The following AGMO variants were observed in gnomAD, a reference collection of about 807,000 sequenced individuals.
AGMO encodes alkylglycerol monooxygenase.
In AGMO, 75 loss-of-function variants were observed where a neutral mutation model predicts 60.2. The ratio of observed to expected loss-of-function variants is 1.25; its 90% CI spans 1.03 to 1.51. AGMO has a LOEUF of 1.51. AGMO is among the 40% of genes most tolerant of loss of function. The pLI is 0.00. For missense variants in AGMO, 763 were observed against 525.5 expected, an observed-to-expected ratio of 1.45 and a Z score of -4.42; for synonymous variants, 261 against 177.1, an observed-to-expected ratio of 1.47 and a Z score of -3.76.
chr7:15,320,129 GA>G (rs1009318909), intron 12 of AGMO, among the ~76,000 whole-genome samples: 55 of 151,676 alleles, frequency 3.6e-4, no homozygotes, highest in African/African-American at 1.3e-3. Context: ...GGGGGAGGGG[GA>G]AGGGATAGCA....
At chr7:15,322,842 TAAA>T (rs531068133) in intron 12 of AGMO, among the ~76,000 whole-genome samples, 1 of 139,508 alleles carries the variant, frequency 7.2e-6, no homozygotes, top group African/African-American at 2.7e-5. Flanking sequence ...CACAAAATTA[TAAA>T]AAAAAATGTG....
At chr7:15,185,148 C>T in the AGMO span, among the ~76,000 whole-genome samples, 31 of 152,086 alleles carry the variant, frequency 2.0e-4, 1 homozygote, top group South Asian at 1.9e-3. Flanking sequence ...CATTCTAATA[C>T]GGCCTACTTA....
rs1002924552 is a variant in AGMO, at chr7:15,475,464, T to C, written c.410-44356A>G. On this transcript the variant is annotated intron_variant, in intron 3 of 12. Coordinates refer to ENST00000342526, the MANE Select transcript of AGMO (RefSeq NM_001004320.2). ...GAACAGAAAACCAAACACCGCATGT[T>C]CTCACTCACAAGTGGGAGATGAATA... Among the ~76,000 whole-genome samples the C allele has an allele frequency of 7.9e-5, 12 of 152,078 alleles. 1 individual carries two copies. Among genetic ancestry groups the C allele is most frequent in the Admixed American group, 7.2e-4 (11 of 15,248 alleles).
intron 12 of AGMO, among the ~76,000 whole-genome samples, chr7:15,317,906 CGT>C (rs747402885): frequency 2.9e-4 from 41 of 142,978 alleles, no homozygotes; most frequent in Non-Finnish European, 4.4e-4. Context: ...TACACACACA[CGT>C]ATATATATAT....
chr7:15,365,964 G>A (rs1583462947), intron 11 of AGMO, among the ~76,000 whole-genome samples, 176 bp downstream of exon 11: 1 of 152,110 alleles, frequency 6.6e-6, no homozygotes, highest in East Asian at 1.9e-4. Flanking sequence ...TAAAAAATGA[G>A]TAGTTAGGAG....
chr7:15,328,176 C>A (rs1781403419), intron 12 of AGMO, among the ~76,000 whole-genome samples: 1 of 152,010 alleles, frequency 6.6e-6, no homozygotes, highest in Non-Finnish European at 1.5e-5. Flanking sequence ...TGTCTCACTG[C>A]AACCTCAGCC....
chr7:15,336,848 AG>A (rs1781678974), intron 12 of AGMO, among the ~76,000 whole-genome samples: 1 of 152,206 alleles, frequency 6.6e-6, no homozygotes, highest in South Asian at 2.1e-4. Flanking sequence ...AGGCAAATCA[AG>A]ATGGCCTAAA....
At chr7:15,319,710 T>G (rs996555954) in intron 12 of AGMO, among the ~76,000 whole-genome samples, 38 of 152,098 alleles carry the variant, frequency 2.5e-4, no homozygotes, top group African/African-American at 8.9e-4. Context: ...CACGGAAAGA[T>G]TCCATTAGTA....
chr7:15,397,973 C>T (rs1784456839), intron 5 of AGMO, among the ~76,000 whole-genome samples: 1 of 152,120 alleles, frequency 6.6e-6, no homozygotes, highest in South Asian at 2.1e-4. Flanking sequence ...AAATAGAGAA[C>T]AAGAAAGTGG....
intron 12 of AGMO, among the ~76,000 whole-genome samples, chr7:15,210,784 T>G (rs1401025222): frequency 2.6e-5 from 4 of 152,102 alleles, no homozygotes; most frequent in Non-Finnish European, 4.4e-5. Context: ...ATAATTTTCT[T>G]TCCTCCAAGG....
chr7:15,506,573 TC>T (rs1367853409), intron 3 of AGMO, among the ~76,000 whole-genome samples: 1 of 152,104 alleles, frequency 6.6e-6, no homozygotes. Flanking sequence ...TTCAGTATTT[TC>T]TTTTATATCT....
chr7:15,414,970 C>T (rs1343121445), intron 5 of AGMO, among the ~76,000 whole-genome samples: 15 of 151,858 alleles, frequency 9.9e-5, no homozygotes, highest in Non-Finnish European at 2.2e-4. Flanking sequence ...TACCTCATAC[C>T]ATATGTAAAA....
chr7:15,149,258 C>T, the AGMO span, among the ~76,000 whole-genome samples: 3 of 152,100 alleles, frequency 2.0e-5, no homozygotes, highest in Non-Finnish European at 2.9e-5. Flanking sequence ...TTCTCCCATT[C>T]TGTAGGTTGT....
At chr7:15,455,646 C>G (rs1781982349) in intron 3 of AGMO, among the ~76,000 whole-genome samples, 1 of 152,178 alleles carries the variant, frequency 6.6e-6, no homozygotes, top group South Asian at 2.1e-4. Flanking sequence ...TTATTCTATT[C>G]ACATGCTTGA....
intron 12 of AGMO, among the ~76,000 whole-genome samples, chr7:15,262,217 A>G (rs1783293761): frequency 6.6e-6 from 1 of 152,116 alleles, no homozygotes; most frequent in Non-Finnish European, 1.5e-5. Flanking sequence ...ATGTGATTGT[A>G]TACTTAGAAA....
At chr7:15,125,711 A>G in the AGMO span, among the ~76,000 whole-genome samples, 1 of 152,094 alleles carries the variant, frequency 6.6e-6, no homozygotes, top group South Asian at 2.1e-4. Context: ...ATCAAGAAAG[A>G]AGATTCAACA....
intron 12 of AGMO, among the ~76,000 whole-genome samples, chr7:15,211,195 A>G (rs1023631011): frequency 1.3e-5 from 2 of 152,038 alleles, no homozygotes; most frequent in Non-Finnish European, 2.9e-5. Context: ...CTGATTTTTC[A>G]CAGGATTTTA....
rs1369490805 is a variant in AGMO at position 15,378,694 on chromosome 7, TGATA to T, written c.1074+6748_1074+6751del. Among the ~76,000 whole-genome samples the T allele has an allele frequency of 3.9e-5, 6 of 151,990 alleles. 1 individual carries two copies. The East Asian group carries it at 5.8e-4, about 15-fold the overall frequency. ...AACTCAGCACTAGACCAAATGGACC[TGATA>T]GATACAGTCAGAACTCTCCACCCAG... On this transcript the variant is annotated intron_variant, in intron 10 of 12. Transcript: ENST00000342526.
chr7:15,299,233 AATATAATAACAAT>A (rs1353991137), intron 12 of AGMO, among the ~76,000 whole-genome samples: 4 of 151,928 alleles, frequency 2.6e-5, no homozygotes, highest in African/African-American at 7.2e-5. Flanking sequence ...TAAATATAAT[AATATAATAACAAT>A]ATAATATAAA....
Sources: allele counts gnomAD v4.1 joint callset (sites outside exome capture counted in the v4.1 genomes callset), GRCh38; gene constraint gnomAD v4.1.1; transcripts MANE v1.5; gene names NCBI Gene and HGNC (gene_info 2026-07-23, HGNC 2026-07-21).